The following NEK5 variants were observed in gnomAD, a reference collection of about 807,000 sequenced individuals.
The protein encoded by NEK5 is NIMA related kinase 5.
NEK5 carries 88 observed loss-of-function variants against 109.2 expected under a neutral mutation model. That is an observed-to-expected ratio of 0.81 (90% CI 0.68 to 0.96). The LOEUF is 0.96. Among genes scored for constraint, NEK5 ranks in the 40% least tolerant of loss-of-function variants. NEK5 has a pLI of 0.00. For missense variants in NEK5, 834 were observed against 920.7 expected (o/e 0.91, Z 1.22); for synonymous variants, 283 against 299.9 (o/e 0.94, Z 0.58).
In NEK5 at chr13:52,087,411, T is replaced by C. The variant is rs1955171064; in HGVS notation, c.1319A>G (p.Gln440Arg). ...CTCTTCTCCATTACTTCTTAGCTCTTGTCTCTGGTTGTAATTTGGCTCGGC... is the reference window on the plus strand; with the variant it reads ...CTCTTCTCCATTACTTCTTAGCTCTCGTCTCTGGTTGTAATTTGGCTCGGC... ...SSAEPNYNQR[Q>R]ELRSNGEEPR... The change falls in exon 15 of 24, where the codon CAA becomes CGA. Residue 440 changes from glutamine (Q) to arginine (R), a missense_variant. Gln to Arg is a conservative substitution (Grantham distance 43, BLOSUM62 1). Around this residue, in one of 2 missense-constraint regions of NEK5, gnomAD observed 777 missense variants for 824.7 expected, o/e 0.94. Transcript: ENST00000684899. 6.2e-7 allele frequency: 1 copy of C among 1,611,866 alleles called. No homozygotes were observed. The highest frequency in any genetic ancestry group is 8.5e-7 in the Non-Finnish European group (1 of 1,178,372).
intron 17 of NEK5, among the ~76,000 whole-genome samples, chr13:52,080,112 C>T (rs1954962863): frequency 6.6e-6 from 1 of 151,860 alleles, no homozygotes; most frequent in African/African-American, 2.4e-5. Flanking sequence ...GGCAGCCACC[C>T]CGTCTGGGAG....
At chr13:52,098,532 TA>T (rs1179791330) in intron 12 of NEK5, among the ~76,000 whole-genome samples, 2 of 152,154 alleles carry the variant, frequency 1.3e-5, no homozygotes, top group East Asian at 3.8e-4. Context: ...TAGTATGACC[TA>T]AAAGATTCAA....
chr13:52,044,302 G>A (rs1002206782), intron 23 of NEK5, among the ~76,000 whole-genome samples: 5 of 152,026 alleles, frequency 3.3e-5, no homozygotes, highest in Non-Finnish European at 5.9e-5. Context: ...TACTTCTGTC[G>A]CTCTAGAGAA....
At chr13:52,111,788 T>C (rs1955764383) in intron 5 of NEK5, among the ~76,000 whole-genome samples, 1 of 152,222 alleles carries the variant, frequency 6.6e-6, no homozygotes, top group Admixed American at 6.5e-5. Context: ...GAGGCCATTA[T>C]TCTTCATCTT....
intron 16 of NEK5, among the ~76,000 whole-genome samples, chr13:52,084,607 T>C (rs1454935680): frequency 6.6e-6 from 1 of 152,068 alleles, no homozygotes; most frequent in Admixed American, 6.5e-5. Context: ...GGCACAATCA[T>C]GGCTCACTGC....
At chr13:52,097,741 T>C (rs756668748) in intron 12 of NEK5, among the ~76,000 whole-genome samples, 1 of 152,116 alleles carries the variant, frequency 6.6e-6, no homozygotes, top group Non-Finnish European at 1.5e-5. Context: ...GAGTTAAGCC[T>C]TGGGGGACTG....
intron 22 of NEK5, among the ~76,000 whole-genome samples, chr13:52,057,479 G>A (rs1333428562): frequency 6.6e-6 from 1 of 152,012 alleles, no homozygotes; most frequent in Admixed American, 6.6e-5. Flanking sequence ...ACCAAAGCCT[G>A]GCAGAGACAC....
At chr13:52,069,655 G>C (rs2137785446) in intron 20 of NEK5, among the ~76,000 whole-genome samples, 1 of 152,274 alleles carries the variant, frequency 6.6e-6, no homozygotes, top group Non-Finnish European at 1.5e-5. Context: ...AAAGCTTCAT[G>C]CATTTGAATT....
intron 22 of NEK5, among the ~76,000 whole-genome samples, chr13:52,053,751 C>G (rs996572934): frequency 3.9e-5 from 6 of 152,170 alleles, no homozygotes; most frequent in African/African-American, 1.4e-4. Flanking sequence ...CCATCTCGCC[C>G]CACATACCCT....
At chr13:52,090,998 C>CG (rs921734696) in intron 13 of NEK5, among the ~76,000 whole-genome samples, 3 of 152,006 alleles carry the variant, frequency 2.0e-5, no homozygotes, top group Admixed American at 6.6e-5. Context: ...TGCACTCCAG[C>CG]CTGGGCGACA....
At chr13:52,039,733 T>G (rs1336349748) in intron 23 of NEK5, among the ~76,000 whole-genome samples, 1 of 152,234 alleles carries the variant, frequency 6.6e-6, no homozygotes, top group Non-Finnish European at 1.5e-5. Context: ...TATCTGCACC[T>G]ATTCTGTTTT....
chr13:52,089,451 C>A, intron 13 of NEK5, 138 bp from the exon 14 acceptor site: 1 of 595,950 alleles, frequency 1.7e-6, no homozygotes, highest in Non-Finnish European at 3.0e-6. Flanking sequence ...AAGTAGTTCA[C>A]AGTTACAGAA....
chr13:52,098,390 T>C (rs1308175989), intron 12 of NEK5, among the ~76,000 whole-genome samples: 2 of 152,070 alleles, frequency 1.3e-5, no homozygotes, highest in South Asian at 2.1e-4. Flanking sequence ...AAAATGTCTA[T>C]ATATCAAGTA....
rs1350362462 is a variant in NEK5 at position 52,075,782 on chromosome 13, A to G, written c.1698T>C (p.Asp566=). The change falls in exon 19 of 24, where the codon GAT becomes GAC. Residue 566 remains aspartate, a synonymous_variant. Coordinates refer to ENST00000684899, the MANE Select transcript of NEK5 (RefSeq NM_001365552.1). ...FEINLDKCIS[D]ENILQEEEAM... ...CCTCTTCCTCTTGGAGGATGTTTTC[A>G]TCAGAAATACATTTGTCTAAATTAA... 6.3e-7 allele frequency: 1 copy of G among 1,575,326 alleles called. No individual in the cohort carries two copies.
intron 21 of NEK5, 36 bp downstream of exon 21, chr13:52,065,448 T>TC: frequency 6.2e-7 from 1 of 1,614,138 alleles, no homozygotes; most frequent in Non-Finnish European, 8.5e-7. Context: ...TCCTTGGTCT[T>TC]CCCTTCCTGA....
At chr13:52,083,475 C>T (rs1250748416) in intron 16 of NEK5, 123 bp from the exon 17 acceptor site, 23 of 630,392 alleles carry the variant, frequency 3.6e-5, no homozygotes, top group South Asian at 2.4e-4. Flanking sequence ...TCCTTTTCCC[C>T]GCCACAGCTT....
intron 3 of NEK5, among the ~76,000 whole-genome samples, chr13:52,122,972 C>A (rs984840697): frequency 6.6e-6 from 1 of 152,022 alleles, no homozygotes; most frequent in African/African-American, 2.4e-5. Flanking sequence ...TTTTTATTTT[C>A]ACAATTGAGG....
chr13:52,089,301 G>T lies in NEK5; in HGVS notation c.1221C>A (p.Tyr407Ter). The change falls in exon 14 of 24, where the codon TAC becomes TAA. Residue 407 changes from tyrosine to a stop codon, truncating the protein, a stop_gained. Coordinates refer to ENST00000684899, the MANE Select transcript of NEK5 (RefSeq NM_001365552.1). LOFTEE classifies it high-confidence loss of function. ...GPSPSQWPAE[Y>*]LQRKFEAQQY... is the part of the protein sequence containing the mutation. ...GTTGAGCTTCAAATTTTCTCTGAAG[G>T]TACTCAGCAGGCCTTAGAAAATAAG... is the stretch of plus-strand genomic sequence containing the variant. The T allele has an allele frequency of 6.2e-7, 1 of 1,604,902 alleles. No individual in the cohort carries two copies. The highest frequency in any genetic ancestry group is 8.5e-7 in the Non-Finnish European group (1 of 1,172,306).
intron 21 of NEK5, chr13:52,064,737 A>G: frequency 4.2e-6 from 1 of 236,004 alleles, no homozygotes; most frequent in Non-Finnish European, 8.2e-6. Context: ...CTGTGTAGAA[A>G]GAAGTAGACA....
Sources: allele counts gnomAD v4.1 joint callset (sites outside exome capture counted in the v4.1 genomes callset), GRCh38; gene constraint gnomAD v4.1.1; regional missense constraint gnomAD v4.1.1; transcripts MANE v1.5; gene names NCBI Gene and HGNC (gene_info 2026-07-23, HGNC 2026-07-21).